The following VKORC1L1 variants were observed in gnomAD, a reference collection of about 807,000 sequenced individuals.
The protein encoded by VKORC1L1 is vitamin K epoxide reductase complex subunit 1-like protein 1.
A neutral mutation model predicts 18.9 loss-of-function variants in VKORC1L1; 2 were observed. That is an observed-to-expected ratio of 0.11 (90% CI 0.04 to 0.33). The LOEUF is 0.33. Among genes scored for constraint, VKORC1L1 ranks in the 10% least tolerant of loss-of-function variants. The pLI, the probability that VKORC1L1 is intolerant of heterozygous loss-of-function variation, is 1.00. For missense variants in VKORC1L1, 123 were observed against 224.1 expected (o/e 0.55, Z 2.88); for synonymous variants, 96 against 100.0 (o/e 0.96, Z 0.24).
At chr7:65,948,856 G>T (rs1790163562) in intron 2 of VKORC1L1, 76 bp downstream of exon 2, 2 of 1,492,774 alleles carry the variant, frequency 1.3e-6, no homozygotes, top group Non-Finnish European at 1.8e-6. Flanking sequence ...GAAGTGTCTT[G>T]ATGTTAAAGC....
At chr7:65,913,740 AAAG>A (rs1380026748) in intron 1 of VKORC1L1, among the ~76,000 whole-genome samples, 1 of 93,664 alleles carries the variant, frequency 1.1e-5, no homozygotes, top group Non-Finnish European at 1.9e-5. Context: ...AAAAAAAAAA[AAAG>A]GGAGGGGGGT....
intron 1 of VKORC1L1, among the ~76,000 whole-genome samples, chr7:65,929,075 T>A (rs1004392699): frequency 7.9e-5 from 12 of 152,306 alleles, no homozygotes; most frequent in African/African-American, 2.9e-4. Context: ...TTAAACAAAT[T>A]AGATTGTTTG....
chr7:65,880,477 A>T (rs1369534275), intron 1 of VKORC1L1, among the ~76,000 whole-genome samples: 1 of 151,024 alleles, frequency 6.6e-6, no homozygotes, highest in Non-Finnish European at 1.5e-5. Context: ...TAGCCTAGGG[A>T]GGAAGGAGAA....
intron 1 of VKORC1L1, among the ~76,000 whole-genome samples, chr7:65,903,672 T>A (rs1789356882): frequency 6.6e-6 from 1 of 151,062 alleles, no homozygotes; most frequent in African/African-American, 2.4e-5. Context: ...CTTGGGAGAC[T>A]GAGGTTAGAG....
At chr7:65,907,497 A>G (rs1247216096) in intron 1 of VKORC1L1, among the ~76,000 whole-genome samples, 1 of 152,166 alleles carries the variant, frequency 6.6e-6, no homozygotes, top group Non-Finnish European at 1.5e-5. Context: ...AAAACTATTC[A>G]TGGTAGCAAT....
chr7:65,900,394 C>CAA (rs546873103), intron 1 of VKORC1L1, among the ~76,000 whole-genome samples: 2 of 118,728 alleles, frequency 1.7e-5, no homozygotes, highest in African/African-American at 6.3e-5. Flanking sequence ...GGCTCTATCT[C>CAA]AAAAAAAAAA....
intron 1 of VKORC1L1, among the ~76,000 whole-genome samples, chr7:65,883,042 A>G (rs1464861124): frequency 6.6e-6 from 1 of 152,174 alleles, no homozygotes; most frequent in Non-Finnish European, 1.5e-5. Flanking sequence ...AAACAAAACA[A>G]ATTTGACATA....
chr7:65,956,466 C>T lies in VKORC1L1; in HGVS notation c.*2166C>T, dbSNP rs768334006. On this transcript the variant is annotated 3_prime_UTR_variant, in exon 3 of 3. Coordinates refer to ENST00000360768, the MANE Select transcript of VKORC1L1 (RefSeq NM_173517.6). ...TGTCTTCAACTCTTACCTGAGAAAA[C>T]ATGGCAAAATGGTCAGCCAGACCCT... The T allele has an allele frequency of 1.6e-4, 25 of 152,240 alleles. No homozygotes were observed. The highest frequency in any genetic ancestry group is 2.7e-4 in the African/African-American group (11 of 41,460). 9.4% of individuals were successfully genotyped at this position (152,240 alleles called of 1,614,324 possible).
At chr7:65,886,533 T>A (rs1423688057) in intron 1 of VKORC1L1, among the ~76,000 whole-genome samples, 3 of 151,928 alleles carry the variant, frequency 2.0e-5, no homozygotes, top group East Asian at 3.9e-4. Flanking sequence ...GAGTTTTTTT[T>A]TTATTATTTT....
intron 1 of VKORC1L1, among the ~76,000 whole-genome samples, chr7:65,913,075 G>GCAGCAA (rs746803752): frequency 7.2e-5 from 11 of 152,308 alleles, no homozygotes; most frequent in Non-Finnish European, 1.5e-4. Context: ...AATGCTGTCA[G>GCAGCAA]CAGCAAAACT....
chr7:65,916,467 T>A (rs562313232), intron 1 of VKORC1L1, among the ~76,000 whole-genome samples: 1 of 152,264 alleles, frequency 6.6e-6, no homozygotes, highest in Admixed American at 6.5e-5. Flanking sequence ...TCTTGTGCAT[T>A]TCCTGTCCCC....
In VKORC1L1 at chr7:65,900,042, C is replaced by CGTGTGTGT. The variant is rs58269522; in HGVS notation, c.194+26516_194+26523dup. Among the ~76,000 whole-genome samples, 277 of 140,968 alleles carry CGTGTGTGT rather than the reference C, an allele frequency of 2.0e-3. 1 individual carries two copies. Among genetic ancestry groups the CGTGTGTGT allele is most frequent in the Admixed American group, 2.9e-3 (41 of 14,002 alleles). The allele number at this position is 140,968 out of a possible 152,430, so 92.5% of individuals were successfully genotyped here. The stretch of plus-strand genomic sequence containing the variant: ...TTGTGCGTGTGTGCATGTGCACGCA[C>CGTGTGTGT]GTGTGTGTGTGTGTGTGTGTGTGTG... On this transcript the variant is annotated intron_variant, in intron 1 of 2. Coordinates refer to ENST00000360768, the MANE Select transcript of VKORC1L1 (RefSeq NM_173517.6).
At chr7:65,934,920 G>C (rs1297042667) in intron 1 of VKORC1L1, among the ~76,000 whole-genome samples, 1 of 151,958 alleles carries the variant, frequency 6.6e-6, no homozygotes. Context: ...CGGGCGTGGT[G>C]GTGGGTGCCT....
intron 1 of VKORC1L1, among the ~76,000 whole-genome samples, chr7:65,909,995 C>T (rs898238951): frequency 6.6e-6 from 1 of 152,064 alleles, no homozygotes; most frequent in Non-Finnish European, 1.5e-5. Flanking sequence ...GGATTACAGG[C>T]ATGAACCACC....
At chr7:65,952,778 C>CTTTTTTT (rs11395208) in intron 2 of VKORC1L1, among the ~76,000 whole-genome samples, 18 of 86,606 alleles carry the variant, frequency 2.1e-4, no homozygotes, top group Admixed American at 3.4e-4. Flanking sequence ...TTTTTTTTTC[C>CTTTTTTT]TTTTTTTTTT....
intron 1 of VKORC1L1, among the ~76,000 whole-genome samples, chr7:65,909,381 A>G (rs893749180): frequency 6.6e-6 from 1 of 152,026 alleles, no homozygotes; most frequent in Non-Finnish European, 1.5e-5. Flanking sequence ...AGATGTCGTG[A>G]TGGGAATGGA....
At position 65,954,547 on chromosome 7, in the gene VKORC1L1, T is replaced by C; in HGVS notation, c.*247T>C. On this transcript the variant is annotated 3_prime_UTR_variant, in exon 3 of 3. Coordinates refer to ENST00000360768, the MANE Select transcript of VKORC1L1 (RefSeq NM_173517.6). ...TCAAAGACAAGCTTTAACTTTACTTTGAAGTGTTTCTGAAATGATAAAATG... is the reference window on the plus strand; with the variant it reads ...TCAAAGACAAGCTTTAACTTTACTTCGAAGTGTTTCTGAAATGATAAAATG... 1 of 648,078 alleles carries C rather than the reference T, an allele frequency of 1.5e-6. No homozygotes were observed. Among genetic ancestry groups the C allele is most frequent in the Non-Finnish European group, 2.4e-6 (1 of 422,724 alleles). The allele number at this position is 648,078 out of a possible 1,614,324, so 40.1% of individuals were successfully genotyped here.
upstream of VKORC1L1, among the ~76,000 whole-genome samples, chr7:65,868,838 A>T (rs1788691940): frequency 6.6e-6 from 1 of 152,028 alleles, no homozygotes; most frequent in African/African-American, 2.4e-5. Flanking sequence ...AGGGGTGAAA[A>T]TTTCCTATTG....
chr7:65,879,604 C>T (rs1431591060), intron 1 of VKORC1L1, among the ~76,000 whole-genome samples: 1 of 152,082 alleles, frequency 6.6e-6, no homozygotes, highest in South Asian at 2.1e-4. Flanking sequence ...TGATTCTAAC[C>T]CAGGCAGTCT....
Sources: allele counts gnomAD v4.1 joint callset (sites outside exome capture counted in the v4.1 genomes callset), GRCh38; gene constraint gnomAD v4.1.1; transcripts MANE v1.5; gene names NCBI Gene and HGNC (gene_info 2026-07-23, HGNC 2026-07-21).